ARID5B: variants seen among roughly 807,000 people sequenced by gnomAD.
ARID5B encodes the protein AT-rich interaction domain 5B, also known as AT-rich interactive domain-containing protein 5B.
Under a neutral mutation model 97.2 loss-of-function variants are expected in ARID5B, and 13 were observed. The observed-to-expected ratio is 0.13, with a 90% CI of 0.09 to 0.21. The LOEUF is 0.21. Ranked by LOEUF, ARID5B falls within the 10% of genes least tolerant of loss-of-function variation. The pLI, the probability that ARID5B is intolerant of heterozygous loss-of-function variation, is 1.00. For synonymous variants in ARID5B, 556 were observed against 570.3 expected (o/e 0.97, Z 0.36); for missense variants, 1,210 against 1,465.3 (o/e 0.83, Z 2.84).
intron 2 of ARID5B, among the ~76,000 whole-genome samples, chr10:61,909,377 G>C (rs1445399872): frequency 2.8e-5 from 4 of 143,808 alleles, no homozygotes; most frequent in Non-Finnish European, 6.0e-5. Context: ...CCAGGCTGGA[G>C]TGCAGTGGCG....
intron 7 of ARID5B, among the ~76,000 whole-genome samples, chr10:62,068,399 G>C (rs942015992): frequency 6.6e-6 from 1 of 151,994 alleles, no homozygotes; most frequent in African/African-American, 2.4e-5. Flanking sequence ...TGTTGAGAAG[G>C]GTTTATGAAA....
At chr10:61,911,861 T>G (rs778049797) in intron 2 of ARID5B, among the ~76,000 whole-genome samples, 1 of 151,942 alleles carries the variant, frequency 6.6e-6, no homozygotes, top group African/African-American at 2.4e-5. Context: ...AGTGTAAGAG[T>G]TTTTTTAGCA....
At position 61,934,006 on chromosome 10, in the gene ARID5B, A is replaced by G. The variant is rs982329117; in HGVS notation, c.277-6177A>G. Among the ~76,000 whole-genome samples the G allele has an allele frequency of 5.3e-5, 8 of 152,344 alleles. No individual in the cohort carries two copies. The South Asian group carries it at 1.7e-3, about 32-fold the overall frequency. On this transcript the variant is annotated intron_variant, in intron 2 of 9. Transcript: ENST00000279873. ...CTATTGAAAATCTGTTGTTTAGTGT[A>G]GCTACCTTCAATTATCTTAGCTAGA... is the stretch of plus-strand genomic sequence containing the variant.
chr10:61,994,533 A>G (rs568000074), intron 3 of ARID5B, among the ~76,000 whole-genome samples: 19 of 152,258 alleles, frequency 1.2e-4, no homozygotes, highest in Non-Finnish European at 2.4e-4. Context: ...TTGCTATTTC[A>G]TGCATCTCTC....
rs1422470448 is a variant in ARID5B, at chr10:62,093,349, T to A, written c.*319T>A. 5.3e-5 allele frequency: 16 copies of A among 299,364 alleles called. No individual in the cohort carries two copies. 18.5% of individuals were successfully genotyped at this position (299,364 alleles called of 1,614,324 possible). On this transcript the variant is annotated 3_prime_UTR_variant, in exon 10 of 10. Transcript: ENST00000279873. ...AAGAACTTAGAGGACCCCATCTGAG[T>A]TCGGATGGTCAGGAAACAATCTGGG...
At chr10:61,971,426 C>T (rs1838625274) in intron 3 of ARID5B, among the ~76,000 whole-genome samples, 1 of 152,170 alleles carries the variant, frequency 6.6e-6, no homozygotes, top group Admixed American at 6.5e-5. Flanking sequence ...CTGTAGCTGT[C>T]TTTGTTCCTT....
In ARID5B at chr10:62,085,872, A is replaced by G. The variant is rs779422998; in HGVS notation, c.1370A>G (p.Asn457Ser). 4 of 1,613,484 alleles carry G rather than the reference A, an allele frequency of 2.5e-6. No individual in the cohort carries two copies. Among genetic ancestry groups the G allele is most frequent in the African/African-American group, 2.7e-5 (2 of 74,806 alleles). The change falls in exon 9 of 10, where the codon AAT becomes AGT. Residue 457 changes from asparagine (N) to serine (S), a missense_variant. Coordinates refer to ENST00000279873, the MANE Select transcript of ARID5B (RefSeq NM_032199.3). ...CCTAAAAGCAAGAAAGAAAAAGAAAATGCCCCAAAGCCCCAGGATGCAGCA... is the reference window on the plus strand; with the variant it reads ...CCTAAAAGCAAGAAAGAAAAAGAAAGTGCCCCAAAGCCCCAGGATGCAGCA... ...EIPKSKKEKE[N>S]APKPQDAAEV...
intron 8 of ARID5B, among the ~76,000 whole-genome samples, chr10:62,071,299 G>A (rs1300606571): frequency 6.6e-6 from 1 of 152,080 alleles, no homozygotes; most frequent in African/African-American, 2.4e-5. Flanking sequence ...CTCCCAAAGT[G>A]CTGGGATTAC....
chr10:61,933,791 T>C (rs1432751944), intron 2 of ARID5B, among the ~76,000 whole-genome samples: 1 of 152,218 alleles, frequency 6.6e-6, no homozygotes, highest in Non-Finnish European at 1.5e-5. Context: ...AGATTTAGCA[T>C]AATCCTGAAA....
intron 8 of ARID5B, among the ~76,000 whole-genome samples, chr10:62,076,356 C>A (rs985202127): frequency 6.6e-6 from 1 of 152,042 alleles, no homozygotes; most frequent in African/African-American, 2.4e-5. Context: ...GCCTGGCCAA[C>A]ATGGTAAAAC....
At chr10:61,931,327 C>G (rs1360081291) in intron 2 of ARID5B, among the ~76,000 whole-genome samples, 1 of 152,108 alleles carries the variant, frequency 6.6e-6, no homozygotes, top group African/African-American at 2.4e-5. Flanking sequence ...ATACATCAAG[C>G]TGAACCTCAT....
intron 2 of ARID5B, among the ~76,000 whole-genome samples, chr10:61,923,448 G>A (rs781465753): frequency 6.6e-6 from 1 of 152,232 alleles, no homozygotes; most frequent in Non-Finnish European, 1.5e-5. Context: ...CTCTAGAGGA[G>A]TAGGGGTTTT....
chr10:61,924,402 C>T (rs746709041), intron 2 of ARID5B, among the ~76,000 whole-genome samples: 1 of 152,170 alleles, frequency 6.6e-6, no homozygotes, highest in Non-Finnish European at 1.5e-5. Context: ...TTGACTGAAG[C>T]CTGAATCATT....
chr10:62,004,723 GT>G (rs1396214870), intron 4 of ARID5B, among the ~76,000 whole-genome samples: 2 of 152,096 alleles, frequency 1.3e-5, no homozygotes, highest in Non-Finnish European at 1.5e-5. Flanking sequence ...TATTTTTGTT[GT>G]TAGAACAATA....
rs140010870 is a variant in ARID5B at position 61,901,715 on chromosome 10, G to T, written c.6G>T (p.Glu2Asp). 1.5e-5 allele frequency: 24 copies of T among 1,613,804 alleles called. No homozygotes were observed. In the Middle Eastern group the frequency reaches 6.6e-4, roughly 44 times the overall value. ...AATCAATTCAGAACGTCGAGATGGA[G>T]CCCAACTCACTCCAGGTATTTCGCT... Reference protein sequence around the residue: MEPNSLQWVGSP... With the variant: MDPNSLQWVGSP... Residue 2 changes from glutamate (E) to aspartate (D), a missense_variant, in exon 1 of 10, where the codon GAG becomes GAT. Glu to Asp is a conservative substitution (Grantham distance 45). This residue lies in a region of ARID5B where 80 missense variants were observed against 133.2 expected (regional missense o/e 0.60). Coordinates refer to ENST00000279873, the MANE Select transcript of ARID5B (RefSeq NM_032199.3).
At position 62,091,479 on chromosome 10, in the gene ARID5B, T is replaced by A. The variant is rs1840371630; in HGVS notation, c.2016T>A (p.Leu672=). The change falls in exon 10 of 10, where the codon CTT becomes CTA. Residue 672 remains leucine (L), a synonymous_variant. Transcript: ENST00000279873. ...LTGPMNENHG[L]NYTPLLYSRG... ...GGCCCATGAACGAGAACCATGGACT[T>A]AATTACACGCCCCTGCTCTACTCTA... 1.2e-6 allele frequency: 2 copies of A among 1,612,506 alleles called. No individual in the cohort carries two copies. Among genetic ancestry groups the A allele is most frequent in the South Asian group, 2.2e-5 (2 of 90,842 alleles).
intron 3 of ARID5B, among the ~76,000 whole-genome samples, chr10:61,943,497 TAAGCA>T (rs1844450045): frequency 7.0e-6 from 1 of 142,654 alleles, no homozygotes; most frequent in Non-Finnish European, 1.5e-5. Flanking sequence ...CTGGTGGAAG[TAAGCA>T]AAGAACGGAA....
chr10:61,909,493 T>A (rs1843766549), intron 2 of ARID5B, among the ~76,000 whole-genome samples: 1 of 151,690 alleles, frequency 6.6e-6, no homozygotes, highest in African/African-American at 2.4e-5. Flanking sequence ...GGCCGGCTAA[T>A]TTTTTGTATT....
rs1839217073 is a variant in ARID5B at position 62,011,483 on chromosome 10, T to C, written c.733+11162T>C. Among the ~76,000 whole-genome samples the C allele has an allele frequency of 2.0e-5, 3 of 152,306 alleles. No homozygotes were observed. The South Asian group carries it at 6.2e-4, about 32-fold the overall frequency. On this transcript the variant is annotated intron_variant, in intron 4 of 9. Coordinates refer to ENST00000279873, the MANE Select transcript of ARID5B (RefSeq NM_032199.3). Reference sequence around the variant, plus strand: ...ACTAGAACAAACCCAGGGACTGTTATGGAGGCCCCAGGAAGTTGCCTTGCA... The same window carrying C: ...ACTAGAACAAACCCAGGGACTGTTACGGAGGCCCCAGGAAGTTGCCTTGCA...
Sources: allele counts gnomAD v4.1 joint callset (sites outside exome capture counted in the v4.1 genomes callset), GRCh38; gene constraint gnomAD v4.1.1; regional missense constraint gnomAD v4.1.1; transcripts MANE v1.5; gene names NCBI Gene and HGNC (gene_info 2026-07-23, HGNC 2026-07-21).